CTNNA2: variants seen among roughly 807,000 people sequenced by gnomAD.
The protein encoded by CTNNA2 is catenin alpha 2.
Under a neutral mutation model 101.0 loss-of-function variants are expected in CTNNA2, and 42 were observed. The ratio of observed to expected loss-of-function variants is 0.42; its 90% confidence interval spans 0.32 to 0.54. The LOEUF (loss-of-function observed/expected upper bound fraction) is 0.54, where lower values mean the gene tolerates loss of function less well. CTNNA2 is among the 20% of genes least tolerant of loss of function. CTNNA2 has a pLI of 0.14. For missense variants in CTNNA2, 871 were observed against 1,223.1 expected (o/e 0.71, Z 4.29); for synonymous variants, 450 against 456.4 (o/e 0.99, Z 0.18).
intron 3 of CTNNA2, among the ~76,000 whole-genome samples, chr2:79,848,555 G>A (rs1680422692): frequency 1.3e-5 from 2 of 152,136 alleles, no homozygotes; most frequent in Admixed American, 6.5e-5. Context: ...CCCAACCCAG[G>A]AAAAGGCTAC....
At chr2:79,856,654 C>T (rs944712486) in intron 3 of CTNNA2, among the ~76,000 whole-genome samples, 3 of 152,152 alleles carry the variant, frequency 2.0e-5, no homozygotes, top group Non-Finnish European at 2.9e-5. Context: ...AGTCTCAATC[C>T]TTGTTAATTA....
At chr2:79,956,843 GTTTTTTTTT>G (rs66471325) in intron 7 of CTNNA2, among the ~76,000 whole-genome samples, 7 of 98,908 alleles carry the variant, frequency 7.1e-5, no homozygotes, top group Admixed American at 1.1e-4. Context: ...ATACGTGTGG[GTTTTTTTTT>G]TTTTTTTTTT....
chr2:80,411,136 A>G (rs970939154), intron 8 of CTNNA2, among the ~76,000 whole-genome samples: 1 of 152,218 alleles, frequency 6.6e-6, no homozygotes, highest in Non-Finnish European at 1.5e-5. Context: ...TTAGAACCCT[A>G]AGAAACACAC....
chr2:80,262,291 TG>T (rs1274730335), intron 7 of CTNNA2, among the ~76,000 whole-genome samples: 1 of 152,192 alleles, frequency 6.6e-6, no homozygotes, highest in Non-Finnish European at 1.5e-5. Context: ...TCTTTCCATT[TG>T]TTAATATAAA....
chr2:80,401,201 G>A (rs1678514804), intron 8 of CTNNA2, among the ~76,000 whole-genome samples: 2 of 152,046 alleles, frequency 1.3e-5, no homozygotes. Context: ...GTTTCTTCAG[G>A]TAATATCCTA....
intron 12 of CTNNA2, among the ~76,000 whole-genome samples, chr2:80,560,725 T>C (rs901790212): frequency 6.6e-6 from 1 of 152,204 alleles, no homozygotes; most frequent in African/African-American, 2.4e-5. Context: ...CTTTAAAATA[T>C]AGCTCTAGTC....
intron 4 of CTNNA2, among the ~76,000 whole-genome samples, chr2:79,860,357 C>CCTA (rs1238178994): frequency 6.6e-6 from 1 of 152,010 alleles, no homozygotes; most frequent in East Asian, 1.9e-4. Context: ...TGCTGAACTG[C>CCTA]CTACACTCCA....
intron 3 of CTNNA2, among the ~76,000 whole-genome samples, chr2:79,816,996 C>CT (rs893307417): frequency 1.2e-4 from 18 of 150,494 alleles, no homozygotes; most frequent in Non-Finnish European, 1.6e-4. Context: ...CATTTTGTTT[C>CT]TTTTTTTTTA....
chr2:79,608,663 A>G (rs1427321766), intron 1 of CTNNA2, among the ~76,000 whole-genome samples: 1 of 152,128 alleles, frequency 6.6e-6, no homozygotes, highest in Non-Finnish European at 1.5e-5. Context: ...AAACTACATG[A>G]TCACCTTAGT....
intron 7 of CTNNA2, among the ~76,000 whole-genome samples, chr2:80,082,702 T>A (rs1272832446): frequency 6.6e-6 from 1 of 152,204 alleles, no homozygotes; most frequent in African/African-American, 2.4e-5. Flanking sequence ...TAAAGTTATC[T>A]TTATTAGATG....
chr2:80,263,701 C>A (rs1046450789), intron 7 of CTNNA2, among the ~76,000 whole-genome samples: 1 of 152,220 alleles, frequency 6.6e-6, no homozygotes, highest in Non-Finnish European at 1.5e-5. Context: ...GTTTGACAGT[C>A]ACATGTTCCT....
chr2:79,409,578 T>G (rs1485243378), intron 4 of CTNNA2, among the ~76,000 whole-genome samples: 1 of 150,918 alleles, frequency 6.6e-6, no homozygotes, highest in Non-Finnish European at 1.5e-5. Flanking sequence ...ATTGCTTGTT[T>G]TTCTCAGGTT....
chr2:80,494,066 C>T (rs1482024763), intron 9 of CTNNA2, among the ~76,000 whole-genome samples: 5 of 152,094 alleles, frequency 3.3e-5, no homozygotes, highest in Non-Finnish European at 7.4e-5. Context: ...GAGTCTTAGA[C>T]CTATTCTATT....
chr2:79,939,659 T>C (rs562248267), intron 7 of CTNNA2, among the ~76,000 whole-genome samples: 2 of 152,364 alleles, frequency 1.3e-5, no homozygotes, highest in South Asian at 4.1e-4. Flanking sequence ...TAGAAAACTC[T>C]TAGAACTAAA....
intron 7 of CTNNA2, among the ~76,000 whole-genome samples, chr2:80,285,054 T>A (rs1221432562): frequency 6.6e-6 from 1 of 152,026 alleles, no homozygotes; most frequent in African/African-American, 2.4e-5. Flanking sequence ...ATCACTTTCT[T>A]TTTTTTTCTG....
At chr2:79,333,223 C>T (rs1676915756) in intron 3 of CTNNA2, among the ~76,000 whole-genome samples, 1 of 152,132 alleles carries the variant, frequency 6.6e-6, no homozygotes, top group Admixed American at 6.5e-5. Context: ...ATAGCTTTTT[C>T]TGTAACAGTG....
intron 6 of CTNNA2, among the ~76,000 whole-genome samples, chr2:79,883,539 A>G (rs1211031044): frequency 2.6e-5 from 4 of 152,342 alleles, no homozygotes; most frequent in South Asian, 2.1e-4. Context: ...GAGATGGTCA[A>G]TTTTAATCTA....
chr2:80,233,564 A>G (rs989669003), intron 7 of CTNNA2, among the ~76,000 whole-genome samples: 6 of 152,120 alleles, frequency 3.9e-5, no homozygotes, highest in African/African-American at 1.4e-4. Context: ...TTTAATGAAA[A>G]TCCACTCAGC....
At chr2:79,677,904 G>T (rs992640828) in intron 2 of CTNNA2, among the ~76,000 whole-genome samples, 2 of 152,142 alleles carry the variant, frequency 1.3e-5, no homozygotes, top group Admixed American at 6.5e-5. Context: ...CCTGTCCTCC[G>T]GAAAGACATT....
Sources: gnomAD v4.1 joint callset for allele counts (sites outside exome capture counted in the v4.1 genomes callset) on GRCh38, gnomAD v4.1.1 for gene constraint, MANE v1.5 for transcripts, NCBI Gene and HGNC (gene_info 2026-07-23, HGNC 2026-07-21) for gene names.